DOCK4: variants seen among roughly 807,000 people sequenced by gnomAD.
DOCK4 encodes the protein dedicator of cytokinesis protein 4.
A neutral mutation model predicts 268.1 loss-of-function variants in DOCK4; 97 were observed. The ratio of observed to expected loss-of-function variants is 0.36; its 90% CI spans 0.31 to 0.43. DOCK4 has a LOEUF of 0.43. Ranked by LOEUF, DOCK4 falls within the 20% of genes least tolerant of loss-of-function variation. The probability of loss-of-function intolerance (pLI) is 1.00; values close to 1 mark genes in which losing one functional copy is unlikely to be tolerated. For missense variants in DOCK4, 2,145 were observed against 2,455.7 expected (o/e 0.87, Z 2.67); for synonymous variants, 954 against 887.2 (o/e 1.08, Z -1.34).
At chr7:111,820,991 T>C (rs1215344206) in intron 27 of DOCK4, 1 of 152,164 alleles carries the variant, frequency 6.6e-6, no homozygotes, top group Non-Finnish European at 1.5e-5. Context: ...TACTCACAGA[T>C]ATCAAACTAA....
At chr7:112,128,001 C>T (rs566624101) in intron 1 of DOCK4, among the ~76,000 whole-genome samples, 3 of 152,290 alleles carry the variant, frequency 2.0e-5, no homozygotes, top group South Asian at 4.1e-4. Context: ...TGCACTCCAG[C>T]CTGGGCAACA....
intron 1 of DOCK4, among the ~76,000 whole-genome samples, chr7:112,055,020 G>T (rs1375040299): frequency 1.3e-5 from 2 of 152,180 alleles, no homozygotes; most frequent in Non-Finnish European, 2.9e-5. Context: ...TACAGTCCAT[G>T]TATTTCTACA....
intron 1 of DOCK4, among the ~76,000 whole-genome samples, chr7:112,062,912 C>T (rs1806563038): frequency 6.6e-6 from 1 of 152,146 alleles, no homozygotes; most frequent in African/African-American, 2.4e-5. Flanking sequence ...CTCCTGACCT[C>T]GTGATCCGCC....
intron 50 of DOCK4, 120 bp from the exon 51 acceptor site, chr7:111,735,287 C>T: frequency 3.1e-6 from 2 of 652,042 alleles, no homozygotes; most frequent in South Asian, 2.2e-5. Flanking sequence ...AAAAACAAAA[C>T]AGGAAACTTC....
intron 1 of DOCK4, among the ~76,000 whole-genome samples, chr7:112,087,500 A>G (rs74621561): frequency 0.026 from 4,022 of 152,234 alleles, 202 homozygotes; most frequent in African/African-American, 0.092. Flanking sequence ...TTCAGATTCA[A>G]TAATGACAAA....
chr7:111,840,951 T>C, intron 25 of DOCK4: 2 of 679,194 alleles, frequency 2.9e-6, no homozygotes, highest in Non-Finnish European at 4.6e-6. Context: ...CCAGGGCATA[T>C]TTCTCGCCAT....
At position 112,205,963 on chromosome 7, in the gene DOCK4, C is replaced by T. The variant is rs572073671; in HGVS notation, c.37+139G>A. 1.2e-4 allele frequency: 119 copies of T among 977,690 alleles called. No homozygotes were observed. The African/African-American group carries it at 1.5e-3, about 12-fold the overall frequency. 60.6% of individuals were successfully genotyped at this position (977,690 alleles called of 1,614,324 possible). A position where few individuals can be genotyped will look rare whatever the true frequency, so the allele number is the denominator to read the frequency against. ...AGCCCTCTGCCTGGAGCTGGCTCGG[C>T]AAAGCCCCGTACCAGCTGCGCGATG... On this transcript the variant is annotated intron_variant, in intron 1 of 52. Transcript: ENST00000428084.
intron 1 of DOCK4, among the ~76,000 whole-genome samples, chr7:112,194,444 T>C (rs1222500506): frequency 1.3e-5 from 2 of 152,196 alleles, no homozygotes; most frequent in Non-Finnish European, 2.9e-5. Flanking sequence ...ACATCTTCAC[T>C]GTGGATACTG....
chr7:112,049,117 T>A (rs1408532178), intron 1 of DOCK4, among the ~76,000 whole-genome samples: 1 of 152,202 alleles, frequency 6.6e-6, no homozygotes, highest in Non-Finnish European at 1.5e-5. Context: ...CGTAATTACA[T>A]GGGTAAATAT....
At chr7:111,741,037 C>A (rs376054432) in intron 47 of DOCK4, 57 bp downstream of exon 47, 1 of 1,600,962 alleles carries the variant, frequency 6.2e-7, no homozygotes, top group Non-Finnish European at 8.5e-7. Flanking sequence ...AACAGAAACA[C>A]TCATGATTGA....
chr7:111,776,823 CT>C, intron 36 of DOCK4, among the ~76,000 whole-genome samples: 1 of 152,106 alleles, frequency 6.6e-6, no homozygotes, highest in South Asian at 2.1e-4. Context: ...TGAGTAATTT[CT>C]TTTTATTATT....
At chr7:111,906,980 T>C (rs1338816900) in intron 13 of DOCK4, among the ~76,000 whole-genome samples, 3 of 152,172 alleles carry the variant, frequency 2.0e-5, no homozygotes, top group Non-Finnish European at 4.4e-5. Flanking sequence ...TTATAGCACC[T>C]ATAGGAAACT....
chr7:111,974,187 T>C (rs1165993721), intron 8 of DOCK4, among the ~76,000 whole-genome samples: 3 of 152,308 alleles, frequency 2.0e-5, no homozygotes, highest in South Asian at 2.1e-4. Flanking sequence ...TGAACTGCCC[T>C]GTGTTCCCGG....
At chr7:112,161,944 A>G (rs946769076) in intron 1 of DOCK4, among the ~76,000 whole-genome samples, 2 of 152,168 alleles carry the variant, frequency 1.3e-5, no homozygotes, top group Admixed American at 1.3e-4. Context: ...ACTGGTTTCA[A>G]CTTCCCAAGA....
At position 111,850,081 on chromosome 7, in the gene DOCK4, G is replaced by A. The variant is rs140945538; in HGVS notation, c.2474-2955C>T. Among the ~76,000 whole-genome samples, 503 of 152,026 alleles carry A rather than the reference G, an allele frequency of 3.3e-3. 2 individuals are homozygous for A. Among genetic ancestry groups the A allele is most frequent in the African/African-American group, 0.011 (472 of 41,440 alleles). On this transcript the variant is annotated intron_variant, in intron 23 of 52. Transcript: ENST00000428084. The stretch of plus-strand genomic sequence containing the variant: ...TTCTCTTAAACCTGTGAGCTTATAC[G>A]TTAAAAAAATTTCTTTTTGTATCTG...
At chr7:111,849,260 TA>T (rs1168936210) in intron 23 of DOCK4, among the ~76,000 whole-genome samples, 27 of 147,556 alleles carry the variant, frequency 1.8e-4, no homozygotes, top group African/African-American at 6.8e-4. Context: ...TCTTCCTAGT[TA>T]CTTTTTTTTT....
Position 111,978,661 on chromosome 7 carries a change from C to A in DOCK4, c.550-1378G>T, listed in dbSNP as rs2135134778. Among the ~76,000 whole-genome samples the A allele has an allele frequency of 2.6e-5, 4 of 152,328 alleles. No individual in the cohort carries two copies. The East Asian group carries it at 7.7e-4, about 29-fold the overall frequency. The stretch of plus-strand genomic sequence containing the variant: ...GGACTTACCTATCTAGGTTAGGGCT[C>A]ACACTGCTTGCAGTGAGGGACCAGG... On this transcript the variant is annotated intron_variant, in intron 7 of 52. Transcript: ENST00000428084.
chr7:111,889,635 T>TA (rs1458151201), intron 16 of DOCK4, among the ~76,000 whole-genome samples: 2 of 152,110 alleles, frequency 1.3e-5, no homozygotes, highest in Non-Finnish European at 2.9e-5. Context: ...GGGACTAGGA[T>TA]ATAGCATAAG....
chr7:111,910,553 G>A (rs1792011379), intron 13 of DOCK4, among the ~76,000 whole-genome samples: 1 of 152,148 alleles, frequency 6.6e-6, no homozygotes, highest in Non-Finnish European at 1.5e-5. Context: ...CTAATATTTT[G>A]GATGTTTTAA....
Sources: gnomAD v4.1 joint callset for allele counts (sites outside exome capture counted in the v4.1 genomes callset) on GRCh38, gnomAD v4.1.1 for gene constraint, MANE v1.5 for transcripts, NCBI Gene and HGNC (gene_info 2026-07-23, HGNC 2026-07-21) for gene names.